The following SIGLEC7 variants were observed in gnomAD, a reference collection of about 807,000 sequenced individuals.
SIGLEC7 encodes the protein sialic acid binding Ig like lectin 7.
A neutral mutation model predicts 40.8 loss-of-function variants in SIGLEC7; 33 were observed. The ratio of observed to expected loss-of-function variants is 0.81; its 90% CI spans 0.61 to 1.08. SIGLEC7 has a LOEUF of 1.08. SIGLEC7 is among the 50% of genes least tolerant of loss of function. The pLI is 0.00. For missense variants in SIGLEC7, 513 were observed against 576.1 expected, an observed-to-expected ratio of 0.89 and a Z score of 1.12; for synonymous variants, 242 against 237.6, an observed-to-expected ratio of 1.02 and a Z score of -0.17.
chr19:51,146,013 G>C lies in SIGLEC7; in HGVS notation c.919G>C (p.Glu307Gln). 3 of 1,614,214 alleles carry C rather than the reference G, an allele frequency of 1.9e-6. No homozygotes were observed. The highest frequency in any genetic ancestry group is 2.5e-6 in the Non-Finnish European group (3 of 1,180,036). ...PSQPSNPLVL[E>Q]LQVHLGDEGE... ...ACAGCCCTCAAACCCTCTGGTACTG[G>C]AGCTGCAAGTGCACCTGGGGGATGA... Residue 307 changes from glutamate (E) to glutamine (Q), a missense_variant, in exon 4 of 7, where the codon GAG becomes CAG. Coordinates refer to ENST00000317643, the MANE Select transcript of SIGLEC7 (RefSeq NM_014385.4).
intron 6 of SIGLEC7, among the ~76,000 whole-genome samples, chr19:51,150,851 G>C (rs778394854): frequency 6.6e-6 from 1 of 152,204 alleles, no homozygotes; most frequent in African/African-American, 2.4e-5. Context: ...GCAGGACTGA[G>C]AGCAGGAAAT....
chr19:51,152,328 A>G (rs1315863341), intron 6 of SIGLEC7, among the ~76,000 whole-genome samples: 1 of 152,218 alleles, frequency 6.6e-6, no homozygotes. Flanking sequence ...CCATGTCAAT[A>G]TCCTTAACCT....
chr19:51,144,129 A>C, intron 1 of SIGLEC7: 1 of 705,246 alleles, frequency 1.4e-6, no homozygotes, highest in Non-Finnish European at 2.7e-6. Flanking sequence ...GATTTGAGGA[A>C]CTACTACTTC....
chr19:51,143,949 G>C (rs2092088350), intron 1 of SIGLEC7: 5 of 470,940 alleles, frequency 1.1e-5, no homozygotes, highest in South Asian at 8.3e-5. Context: ...ACTGACTCTA[G>C]CCCTGTCCAT....
intron 6 of SIGLEC7, among the ~76,000 whole-genome samples, chr19:51,152,516 T>A (rs777732312): frequency 6.6e-6 from 1 of 152,180 alleles, no homozygotes; most frequent in Non-Finnish European, 1.5e-5. Flanking sequence ...AGGTGCCCCA[T>A]CCAAATCAAG....
chr19:51,150,039 CT>C (rs2092134108), intron 6 of SIGLEC7, among the ~76,000 whole-genome samples: 1 of 152,172 alleles, frequency 6.6e-6, no homozygotes, highest in Non-Finnish European at 1.5e-5. Context: ...ATTTAAGAAG[CT>C]TTTGGGCTGG....
In SIGLEC7 at chr19:51,142,494, T is replaced by G; in HGVS notation, c.125T>G (p.Val42Gly). The G allele has an allele frequency of 6.2e-7, 1 of 1,614,088 alleles. No homozygotes were observed. Among genetic ancestry groups the G allele is most frequent in the Non-Finnish European group, 8.5e-7 (1 of 1,180,016 alleles). ...GTGACCGTGCAAGAGGGCATGTGTG[T>G]CCATGTGCGCTGCTCCTTCTCCTAC... ...SSVTVQEGMC[V>G]HVRCSFSYPV... The change falls in exon 1 of 7, where the codon GTC becomes GGC. Residue 42 changes from valine to glycine, a missense_variant. Physicochemically the swap from Val to Gly is moderately radical, Grantham distance 109. Coordinates refer to ENST00000317643, the MANE Select transcript of SIGLEC7 (RefSeq NM_014385.4). This position sits in a 1 kb window ranked among gnomAD's most constrained non-coding sequence, Gnocchi z 5.0.
intron 6 of SIGLEC7, among the ~76,000 whole-genome samples, chr19:51,150,135 A>C (rs548989815): frequency 6.6e-5 from 10 of 152,192 alleles, no homozygotes; most frequent in African/African-American, 1.9e-4. Flanking sequence ...GATGCTCTTT[A>C]TTTCTTTCTC....
rs753249169 is a variant in SIGLEC7 at position 51,146,843 on chromosome 19, T to C, written c.1117T>C (p.Phe373Leu). Residue 373 changes from phenylalanine (F) to leucine (L), a missense_variant, in exon 5 of 7, where the codon TTC becomes CTC. By Grantham distance (22) the Phe-to-Leu change is conservative (BLOSUM62 0). Transcript: ENST00000317643. Reference protein sequence around the residue: ...ALVFLSFCVIFIVVRSCRKKS... With the variant: ...ALVFLSFCVILIVVRSCRKKS... ...GGTCTTCCTCTCCTTCTGTGTCATC[T>C]TCATTGTGTGAGCACTGACCCTAGG... The C allele has an allele frequency of 1.2e-5, 19 of 1,613,864 alleles. No individual in the cohort carries two copies. In the African/African-American group the frequency reaches 2.3e-4, roughly 19 times the overall value.
intron 6 of SIGLEC7, among the ~76,000 whole-genome samples, chr19:51,149,727 T>C (rs1036709609): frequency 2.3e-4 from 35 of 152,220 alleles, no homozygotes; most frequent in Admixed American, 1.2e-3. Flanking sequence ...ATTGAATGTA[T>C]AAATTTCTTT....
chr19:51,153,085 C>A lies in SIGLEC7; in HGVS notation c.1244C>A (p.Ala415Glu). ...ASQGNLTESW[A>E]DDNPRHHGLA... The stretch of plus-strand genomic sequence containing the variant: ...CAGGGTAACCTGACTGAGTCCTGGG[C>A]AGATGATAACCCCCGACACCATGGC... Residue 415 changes from alanine (A) to glutamate (E), a missense_variant, in exon 7 of 7, where the codon GCA becomes GAA. By Grantham distance (107) the Ala-to-Glu change is moderately radical (BLOSUM62 -1). Transcript: ENST00000317643. 1.9e-6 allele frequency: 3 copies of A among 1,595,988 alleles called. No individual in the cohort carries two copies. The highest frequency in any genetic ancestry group is 1.7e-5 in the Admixed American group (1 of 57,708).
intron 4 of SIGLEC7, 97 bp from the exon 5 acceptor site, chr19:51,146,657 A>G: frequency 9.9e-7 from 1 of 1,014,626 alleles, no homozygotes; most frequent in South Asian, 1.5e-5. Context: ...GGGAAGGGGG[A>G]TTAGGGTACC....
intron 6 of SIGLEC7, among the ~76,000 whole-genome samples, chr19:51,148,588 T>C (rs940115499): frequency 4.6e-5 from 7 of 152,236 alleles, no homozygotes; most frequent in African/African-American, 1.7e-4. Flanking sequence ...CATTCTGTCA[T>C]GGATGGGCAT....
intron 4 of SIGLEC7, among the ~76,000 whole-genome samples, 172 bp downstream of exon 4, chr19:51,146,293 G>A (rs974847669): frequency 6.6e-6 from 1 of 152,152 alleles, no homozygotes; most frequent in African/African-American, 2.4e-5. Flanking sequence ...GGAAAGGTGT[G>A]TAAGGCAGGA....
At chr19:51,143,954 G>A (rs1045325746) in intron 1 of SIGLEC7, 1 of 471,178 alleles carries the variant, frequency 2.1e-6, no homozygotes, top group Non-Finnish European at 4.3e-6. Flanking sequence ...CTCTAGCCCT[G>A]TCCATGGATG....
intron 6 of SIGLEC7, among the ~76,000 whole-genome samples, chr19:51,150,503 C>G (rs901310067): frequency 1.3e-5 from 2 of 152,108 alleles, no homozygotes; most frequent in Non-Finnish European, 2.9e-5. Context: ...ATTGGATTAA[C>G]CTTCTGATGT....
chr19:51,152,288 G>A (rs1378087720), intron 6 of SIGLEC7, among the ~76,000 whole-genome samples: 1 of 152,062 alleles, frequency 6.6e-6, no homozygotes, highest in Non-Finnish European at 1.5e-5. Context: ...CATTCCACTG[G>A]GCCCACCCAA....
intron 2 of SIGLEC7, 23 bp from the exon 3 acceptor site, chr19:51,144,889 G>T: frequency 6.2e-7 from 1 of 1,613,464 alleles, no homozygotes; most frequent in African/African-American, 1.3e-5. Flanking sequence ...AGTGATGCAG[G>T]TCTCCATGTC....
At chr19:51,149,729 A>C (rs2092132088) in intron 6 of SIGLEC7, among the ~76,000 whole-genome samples, 1 of 152,126 alleles carries the variant, frequency 6.6e-6, no homozygotes, top group Non-Finnish European at 1.5e-5. Flanking sequence ...TGAATGTATA[A>C]ATTTCTTTGG....
Sources: allele counts gnomAD v4.1 joint callset (sites outside exome capture counted in the v4.1 genomes callset), GRCh38; gene constraint gnomAD v4.1.1; non-coding constraint Gnocchi (gnomAD v3.1); transcripts MANE v1.5; gene names NCBI Gene and HGNC (gene_info 2026-07-23, HGNC 2026-07-21).